Variants in CXXC1 observed in about 807,000 individuals in gnomAD.
CXXC1 encodes the protein CXXC finger protein 1, also known as CXXC-type zinc finger protein 1.
In CXXC1, 21 loss-of-function variants were observed where a neutral mutation model predicts 83.6. The observed-to-expected ratio is 0.25, with a 90% confidence interval of 0.18 to 0.36. The LOEUF (loss-of-function observed/expected upper bound fraction) is 0.36, where lower values mean the gene tolerates loss of function less well. Among genes scored for constraint, CXXC1 ranks in the 10% least tolerant of loss-of-function variants. The pLI, the probability that CXXC1 is intolerant of heterozygous loss-of-function variation, is 1.00. For missense variants in CXXC1, 688 were observed against 919.5 expected (o/e 0.75, Z 3.26); for synonymous variants, 371 against 337.5 (o/e 1.10, Z -1.09).
intron 1 of CXXC1, 141 bp downstream of exon 1, chr18:50,287,446 C>G (rs1463848166): frequency 3.0e-6 from 3 of 1,014,014 alleles, no homozygotes; most frequent in Non-Finnish European, 4.5e-6. Flanking sequence ...GATGGTTCAT[C>G]ATTCTGCCCA....
At chr18:50,284,590 G>A (rs2040682808) in intron 8 of CXXC1, 28 bp from the exon 9 acceptor site, 3 of 1,582,910 alleles carry the variant, frequency 1.9e-6, no homozygotes, top group Admixed American at 1.7e-5. Context: ...TCAGGTCAGG[G>A]TGGAGTCAAA....
At position 50,282,766 on chromosome 18, in the gene CXXC1, A is replaced by G. The variant is rs1264803414; in HGVS notation, c.1825-27T>C. On this transcript the variant is annotated intron_variant, in intron 14 of 14. Transcript: ENST00000285106. The surrounding 1 kb of genome is among the most constrained non-coding windows in gnomAD (Gnocchi z 5.8). ...TGCCAAGGGAGCGGCAGGAGTCCTA[A>G]GCAGGAACACCTGCAGCCCCGCCTG... is the stretch of plus-strand genomic sequence containing the variant. The G allele has an allele frequency of 6.2e-7, 1 of 1,612,406 alleles. No individual in the cohort carries two copies. The highest frequency in any genetic ancestry group is 1.1e-5 in the South Asian group (1 of 90,952).
chr18:50,285,431 G>C lies in CXXC1; in HGVS notation c.640-80C>G. 1 of 1,487,478 alleles carries C rather than the reference G, an allele frequency of 6.7e-7. No individual in the cohort carries two copies. The highest frequency in any genetic ancestry group is 9.0e-7 in the Non-Finnish European group (1 of 1,112,028). The allele number at this position is 1,487,478 out of a possible 1,614,324, so 92.1% of individuals were successfully genotyped here. A position where few individuals can be genotyped will look rare whatever the true frequency, so the allele number is the denominator to read the frequency against. On this transcript the variant is annotated intron_variant, in intron 5 of 14. Coordinates refer to ENST00000285106, the MANE Select transcript of CXXC1 (RefSeq NM_014593.4). The surrounding 1 kb of genome is among the most constrained non-coding windows in gnomAD (Gnocchi z 4.4). ...TGCCCTAGCCCTACCCACCTGGCCTGGCCTTACCTCCCCAGACACACCTCC... is the reference window on the plus strand; with the variant it reads ...TGCCCTAGCCCTACCCACCTGGCCTCGCCTTACCTCCCCAGACACACCTCC...
In CXXC1 at chr18:50,282,526, G is replaced by C; in HGVS notation, c.*67C>G. 1 of 1,573,550 alleles carries C rather than the reference G, an allele frequency of 6.4e-7. No individual in the cohort carries two copies. Among genetic ancestry groups the C allele is most frequent in the South Asian group, 1.1e-5 (1 of 89,872 alleles). The stretch of plus-strand genomic sequence containing the variant: ...CGGAGAAACAGATGAGTGGAGGAAC[G>C]GACACACGGGCACCGGGCGGCTCCC... On this transcript the variant is annotated 3_prime_UTR_variant, in exon 15 of 15. Coordinates refer to ENST00000285106, the MANE Select transcript of CXXC1 (RefSeq NM_014593.4). The surrounding 1 kb of genome is among the most constrained non-coding windows in gnomAD (Gnocchi z 5.8).
chr18:50,287,009 A>G (rs2040725440), intron 1 of CXXC1, 151 bp from the exon 2 acceptor site: 1 of 633,088 alleles, frequency 1.6e-6, no homozygotes, highest in Non-Finnish European at 2.9e-6. Flanking sequence ...CACAGTCCCC[A>G]CTGACCCCCA....
Position 50,283,770 on chromosome 18 carries a change from C to T in CXXC1, c.1459G>A (p.Val487Ile). ...SDDTDLQIFC[V>I]SCGHPINPRV... is the part of the protein sequence containing the mutation. ...GGGTTGATGGGGTGCCCACAGGAAA[C>T]ACAGAAGATCTGCAGGTCTGTGTCA... The change falls in exon 11 of 15, where the codon GTT (valine) becomes ATT (isoleucine). Residue 487 changes from valine (V) to isoleucine (I), a missense_variant. Physicochemically the swap from Val to Ile is conservative, Grantham distance 29. Coordinates refer to ENST00000285106, the MANE Select transcript of CXXC1 (RefSeq NM_014593.4). The T allele has an allele frequency of 6.2e-7, 1 of 1,614,236 alleles. No homozygotes were observed. The highest frequency in any genetic ancestry group is 8.5e-7 in the Non-Finnish European group (1 of 1,180,040).
chr18:50,286,216 A>G lies in CXXC1; in HGVS notation c.265T>C (p.Ser89Pro), dbSNP rs1303969898. The part of the protein sequence containing the change: ...KLEIRYRHKK[S>P]RERDGNERDS... ...CGCTCATTGCCATCCCGCTCCCGTG[A>G]CTTCTTGTGCCGATAGCGAATCTCT... Residue 89 changes from serine to proline, a missense_variant, in exon 4 of 15, where the codon TCA becomes CCA. Around this residue, in one of 9 missense-constraint regions of CXXC1, gnomAD observed 142 missense variants for 150.7 expected, o/e 0.94. Coordinates refer to ENST00000285106, the MANE Select transcript of CXXC1 (RefSeq NM_014593.4). 1 of 1,612,296 alleles carries G rather than the reference A, an allele frequency of 6.2e-7. No homozygotes were observed. Among genetic ancestry groups the G allele is most frequent in the Non-Finnish European group, 8.5e-7 (1 of 1,179,718 alleles).
intron 11 of CXXC1, 34 bp from the exon 12 acceptor site, chr18:50,283,598 G>C: frequency 6.2e-7 from 1 of 1,612,838 alleles, no homozygotes; most frequent in Non-Finnish European, 8.5e-7. Flanking sequence ...GGGAACTGTG[G>C]ATGTGCGCTG....
rs770040680 is a variant in CXXC1 at position 50,286,720 on chromosome 18, C to T, written c.122+20G>A. On this transcript the variant is annotated intron_variant, in intron 2 of 14. Transcript: ENST00000285106. Reference sequence around the variant, plus strand: ...CCCCACCCTGCCAGTGTCAGCCCCGCCCATCTCTCCCGCGCTCACATCATG... The same window carrying T: ...CCCCACCCTGCCAGTGTCAGCCCCGTCCATCTCTCCCGCGCTCACATCATG... 2 of 1,610,584 alleles carry T rather than the reference C, an allele frequency of 1.2e-6. No homozygotes were observed. Among genetic ancestry groups the T allele is most frequent in the Non-Finnish European group, 1.7e-6 (2 of 1,176,734 alleles).
At position 50,286,596 on chromosome 18, in the gene CXXC1, G is replaced by A. The variant is rs1230933672; in HGVS notation, c.166C>T (p.Arg56Trp). The change falls in exon 3 of 15, where the codon CGG becomes TGG. Residue 56 changes from arginine to tryptophan, a missense_variant. Physicochemically the swap from Arg to Trp is moderately radical, Grantham distance 101. This residue lies in a region of CXXC1 where 142 missense variants were observed against 150.7 expected (regional missense o/e 0.94). Coordinates refer to ENST00000285106, the MANE Select transcript of CXXC1 (RefSeq NM_014593.4). ...GCCTTGGCCATCTTCTCAGTGATCC[G>A]GATGCAGTCCCCATGGAACCACTCA... ...CNEWFHGDCI[R>W]ITEKMAKAIR... 1 of 1,614,114 alleles carries A rather than the reference G, an allele frequency of 6.2e-7. No individual in the cohort carries two copies. The highest frequency in any genetic ancestry group is 1.1e-5 in the South Asian group (1 of 91,084).
intron 1 of CXXC1, 72 bp downstream of exon 1, chr18:50,287,515 C>T: frequency 3.2e-6 from 5 of 1,579,054 alleles, no homozygotes; most frequent in Non-Finnish European, 3.5e-6. Context: ...ACCCCTGAGT[C>T]GGCCGACAGA....
At chr18:50,283,668 TC>T (rs1292280531) in intron 11 of CXXC1, 36 bp downstream of exon 11, 1 of 1,610,110 alleles carries the variant, frequency 6.2e-7, no homozygotes, top group African/African-American at 1.3e-5. Context: ...CCACTGATGT[TC>T]CCACATGGTC....
chr18:50,287,080 C>T (rs1348497073), intron 1 of CXXC1: 3 of 577,340 alleles, frequency 5.2e-6, no homozygotes, highest in Non-Finnish European at 6.2e-6. Flanking sequence ...CCACCGACAC[C>T]CGCTCCCTGC....
intron 1 of CXXC1, 119 bp downstream of exon 1, chr18:50,287,468 C>A (rs142639986): frequency 1.4e-5 from 17 of 1,221,410 alleles, no homozygotes; most frequent in Middle Eastern, 3.9e-4. Flanking sequence ...AGACTCCCGC[C>A]GTTCAGTCCA....
Position 50,284,476 on chromosome 18 carries a change from A to G in CXXC1, c.1107T>C (p.Pro369=). 1 of 1,609,784 alleles carries G rather than the reference A, an allele frequency of 6.2e-7. No individual in the cohort carries two copies. Among genetic ancestry groups the G allele is most frequent in the South Asian group, 1.1e-5 (1 of 90,512 alleles). ...GCCCCAGGCACTGGGGCAGTGACGC[A>G]GGGTCCTTGGCATCAGCCCTCTCTG... ...KHPERADAKD[P]ASLPQCLGPG... is the part of the protein sequence containing the mutation. Residue 369 remains proline (P), a synonymous_variant, in exon 9 of 15, where the codon CCT becomes CCC. Transcript: ENST00000285106.
intron 10 of CXXC1, 23 bp downstream of exon 10, chr18:50,283,871 C>T (rs1343276418): frequency 6.2e-7 from 1 of 1,613,876 alleles, no homozygotes; most frequent in Non-Finnish European, 8.5e-7. Context: ...AGGCCCTGCT[C>T]TGCTGCGCCC....
chr18:50,284,851 G>A lies in CXXC1; in HGVS notation c.913-12C>T, dbSNP rs749515566. 1.3e-5 allele frequency: 21 copies of A among 1,613,884 alleles called. 2 individuals are homozygous for A. The South Asian group carries it at 1.4e-4, about 11-fold the overall frequency. On this transcript the variant is annotated splice_polypyrimidine_tract_variant and intron_variant, in intron 7 of 14. Transcript: ENST00000285106. ...TCGCTCATCCAGGGCTGCAAGCAGG[G>A]CATGCACTGACCCACCTGCCCCGCT... is the stretch of plus-strand genomic sequence containing the variant.
In CXXC1 at chr18:50,287,669, G is replaced by C. The variant is rs530234186; in HGVS notation, c.-80C>G. The C allele has an allele frequency of 3.8e-4, 600 of 1,588,312 alleles. No homozygotes were observed. The highest frequency in any genetic ancestry group is 5.0e-4 in the Non-Finnish European group (584 of 1,169,666). On this transcript the variant is annotated 5_prime_UTR_variant, in exon 1 of 15. Transcript: ENST00000285106. The stretch of plus-strand genomic sequence containing the variant: ...CACAGACCACTCGGCGGCGTCCCAG[G>C]CGGTTGCAAAGGCGCCCACAACTAC...
chr18:50,287,190 C>T (rs1448317335), intron 1 of CXXC1: 4 of 518,726 alleles, frequency 7.7e-6, no homozygotes, highest in African/African-American at 1.9e-5. Context: ...TCCACGCACC[C>T]CTCCCTGTTT....
Sources: gnomAD v4.1 joint callset for allele counts on GRCh38, gnomAD v4.1.1 for gene constraint, gnomAD v4.1.1 regional missense constraint, Gnocchi (gnomAD v3.1) non-coding constraint, MANE v1.5 for transcripts, NCBI Gene and HGNC (gene_info 2026-07-23, HGNC 2026-07-21) for gene names.